The following MED12L variants were observed in gnomAD, a reference collection of about 807,000 sequenced individuals.
The protein encoded by MED12L is mediator complex subunit 12L, also known as mediator of RNA polymerase II transcription subunit 12-like protein.
MED12L carries 60 observed loss-of-function variants against 281.3 expected under a neutral mutation model. The ratio of observed to expected loss-of-function variants is 0.21; its 90% confidence interval spans 0.17 to 0.26. The LOEUF is 0.26. MED12L is among the 10% of genes least tolerant of loss of function. The pLI is 1.00. For synonymous variants in MED12L, 974 were observed against 987.2 expected, an observed-to-expected ratio of 0.99 and a Z score of 0.25; for missense variants, 2,146 against 2,680.9, an observed-to-expected ratio of 0.80 and a Z score of 4.41.
chr3:151,156,240 G>A lies in MED12L; in HGVS notation c.636G>A (p.Thr212=), dbSNP rs141980278. The A allele has an allele frequency of 2.5e-6, 4 of 1,613,496 alleles. 1 individual carries two copies. The South Asian group carries it at 3.3e-5, about 13-fold the overall frequency. The change falls in exon 6 of 45, where the codon ACG becomes ACA. Residue 212 remains threonine, a synonymous_variant. Coordinates refer to ENST00000687756, the MANE Select transcript of MED12L (RefSeq NM_001393769.1). ...ACTTTTACCACATGGCCTCCAGCAC[G>A]GGCGATGGCCCTGTCCCTGTGCCAC... The part of the protein sequence containing the change: ...ISDFYHMASS[T]GDGPVPVPPE...
intron 32 of MED12L, 86 bp from the exon 33 acceptor site, chr3:151,382,570 G>T (rs946302737): frequency 1.6e-5 from 13 of 798,048 alleles, no homozygotes; most frequent in Admixed American, 1.0e-4. Context: ...ATAAGAAGTG[G>T]TTTTTTGCTA....
chr3:151,312,959 G>T (rs952603496), intron 16 of MED12L, among the ~76,000 whole-genome samples: 5 of 152,158 alleles, frequency 3.3e-5, no homozygotes, highest in African/African-American at 1.2e-4. Context: ...TGGGTAGTAA[G>T]AATTAGTACT....
In MED12L at chr3:151,163,913, A is replaced by G. The variant is rs779529871; in HGVS notation, c.1128A>G (p.Pro376=). The G allele has an allele frequency of 1.9e-6, 3 of 1,613,220 alleles. No homozygotes were observed. The highest frequency in any genetic ancestry group is 2.5e-6 in the Non-Finnish European group (3 of 1,179,536). Residue 376 remains proline, a synonymous_variant, in exon 9 of 45, where the codon CCA becomes CCG. Coordinates refer to ENST00000687756, the MANE Select transcript of MED12L (RefSeq NM_001393769.1). ...CMLQTVTLCC[P]SALVWNYSTN... is the part of the protein sequence containing the mutation. The stretch of plus-strand genomic sequence containing the variant: ...TCCAGACTGTCACTCTCTGTTGCCC[A>G]AGTGCCTTGGTGTGGAATTATTCCA...
chr3:151,221,026 G>A (rs1053547751), intron 16 of MED12L, among the ~76,000 whole-genome samples: 2 of 152,212 alleles, frequency 1.3e-5, no homozygotes, highest in Non-Finnish European at 2.9e-5. Context: ...AAAGTCCAGG[G>A]TGAGGTGGTC....
At chr3:151,363,773 A>G (rs1415734531) in intron 21 of MED12L, among the ~76,000 whole-genome samples, 1 of 152,156 alleles carries the variant, frequency 6.6e-6, no homozygotes, top group Non-Finnish European at 1.5e-5. Flanking sequence ...TACGGACTCT[A>G]TACACCCACA....
chr3:151,152,085 G>GCTTT (rs1269821388), intron 5 of MED12L, among the ~76,000 whole-genome samples: 18 of 63,020 alleles, frequency 2.9e-4, no homozygotes, highest in African/African-American at 1.1e-3. Flanking sequence ...GTTGAAGGTG[G>GCTTT]TTTTTTTTTT....
chr3:151,138,155 A>G (rs989321472), intron 5 of MED12L, among the ~76,000 whole-genome samples: 4 of 152,010 alleles, frequency 2.6e-5, no homozygotes, highest in East Asian at 1.9e-4. Context: ...TTAGCATACT[A>G]TATATACTGT....
chr3:151,152,255 A>G (rs1239216523), intron 5 of MED12L, among the ~76,000 whole-genome samples: 2 of 151,786 alleles, frequency 1.3e-5, no homozygotes, highest in East Asian at 1.9e-4. Flanking sequence ...GTGTGCCACC[A>G]TGCCTGGCTA....
intron 5 of MED12L, among the ~76,000 whole-genome samples, chr3:151,153,093 A>G (rs575034342): frequency 5.9e-4 from 90 of 152,334 alleles, no homozygotes; most frequent in African/African-American, 2.1e-3. Flanking sequence ...GTACTACTAA[A>G]ACAAAGCACT....
At position 151,376,833 on chromosome 3, in the gene MED12L, T is replaced by C; in HGVS notation, c.4087T>C (p.Leu1363=). ...GCAGTGGACACTGAGGCAATCCTGG[T>C]TAGAACTCCAGCTAATGATCAAACA... ...LEQWTLRQSW[L]ELQLMIKQCL... Residue 1363 remains leucine, a synonymous_variant, in exon 29 of 45, where the codon TTA becomes CTA. Transcript: ENST00000687756. 6.2e-7 allele frequency: 1 copy of C among 1,614,092 alleles called. No homozygotes were observed. Among genetic ancestry groups the C allele is most frequent in the Non-Finnish European group, 8.5e-7 (1 of 1,179,950 alleles).
At chr3:151,133,632 A>G (rs572419922) in intron 5 of MED12L, among the ~76,000 whole-genome samples, 1 of 151,914 alleles carries the variant, frequency 6.6e-6, no homozygotes, top group Non-Finnish European at 1.5e-5. Flanking sequence ...GGTGGACACG[A>G]TGTTTAGAAA....
chr3:151,167,481 A>G (rs1576874023), intron 11 of MED12L, among the ~76,000 whole-genome samples: 1 of 152,224 alleles, frequency 6.6e-6, no homozygotes, highest in Non-Finnish European at 1.5e-5. Context: ...AACAACCACC[A>G]TCAAAAACCT....
chr3:151,207,625 A>C (rs1726554506), intron 16 of MED12L, among the ~76,000 whole-genome samples: 1 of 152,202 alleles, frequency 6.6e-6, no homozygotes, highest in Non-Finnish European at 1.5e-5. Context: ...TATACAAGGC[A>C]AGGAGCTGTC....
intron 16 of MED12L, among the ~76,000 whole-genome samples, chr3:151,317,460 TTTTTTTG>T (rs1748424940): frequency 8.1e-6 from 1 of 123,336 alleles, no homozygotes; most frequent in African/African-American, 3.7e-5. Flanking sequence ...TTTTTTTTTT[TTTTTTTG>T]TGAGACGGAG....
At chr3:151,353,682 T>G (rs1267224424) in intron 17 of MED12L, among the ~76,000 whole-genome samples, 1 of 152,238 alleles carries the variant, frequency 6.6e-6, no homozygotes, top group East Asian at 1.9e-4. Context: ...ACCATTACAT[T>G]TGCCATTAGC....
At chr3:151,096,793 C>G (rs1380853088) in intron 2 of MED12L, among the ~76,000 whole-genome samples, 2 of 152,236 alleles carry the variant, frequency 1.3e-5, no homozygotes, top group Non-Finnish European at 2.9e-5. Flanking sequence ...GGGCCAAGCA[C>G]TTGTGTGCCC....
intron 39 of MED12L, among the ~76,000 whole-genome samples, chr3:151,396,935 T>C (rs1715059330): frequency 6.6e-6 from 1 of 152,242 alleles, no homozygotes; most frequent in Non-Finnish European, 1.5e-5. Context: ...TAATCAAAGA[T>C]ATCCTTGCAT....
chr3:151,201,036 T>C (rs1217532987), intron 16 of MED12L: 1 of 152,204 alleles, frequency 6.6e-6, no homozygotes, highest in African/African-American at 2.4e-5. Context: ...ATAGAAATGA[T>C]AATGATTATT....
rs1161292258 is a variant in MED12L at position 151,190,809 on chromosome 3, G to A, written c.1846G>A (p.Ala616Thr). ...CCGCCATGATGTCTTCTCCCATGAC[G>A]CATACATGTGTACCCTCATATCTCG... ...FIRHDVFSHD[A>T]YMCTLISRGD... The change falls in exon 14 of 45, where the codon GCA becomes ACA. Residue 616 changes from alanine to threonine, a missense_variant. Physicochemically the swap from Ala to Thr is moderately conservative, Grantham distance 58. Around this residue, in one of 9 missense-constraint regions of MED12L, gnomAD observed 722 missense variants for 861.2 expected, o/e 0.84. Coordinates refer to ENST00000687756, the MANE Select transcript of MED12L (RefSeq NM_001393769.1). The A allele has an allele frequency of 9.3e-6, 15 of 1,614,118 alleles. No homozygotes were observed. In the East Asian group the frequency reaches 2.5e-4, roughly 26 times the overall value.
Sources: allele counts gnomAD v4.1 joint callset (sites outside exome capture counted in the v4.1 genomes callset), GRCh38; gene constraint gnomAD v4.1.1; regional missense constraint gnomAD v4.1.1; transcripts MANE v1.5; gene names NCBI Gene and HGNC (gene_info 2026-07-23, HGNC 2026-07-21).